Variants in TLN1 observed in about 807,000 individuals in gnomAD.
The protein encoded by TLN1 is talin 1.
TLN1 carries 56 observed loss-of-function variants against 292.3 expected under a neutral mutation model. The ratio of observed to expected loss-of-function variants is 0.19; its 90% CI spans 0.15 to 0.24. TLN1 has a LOEUF of 0.24. Among genes scored for constraint, TLN1 ranks in the 10% least tolerant of loss-of-function variants. The probability of loss-of-function intolerance (pLI) is 1.00; values close to 1 mark genes in which losing one functional copy is unlikely to be tolerated. For synonymous variants in TLN1, 1,119 were observed against 1,253.7 expected (o/e 0.89, Z 2.27); for missense variants, 2,433 against 3,248.2 (o/e 0.75, Z 6.10).
At position 35,705,948 on chromosome 9, in the gene TLN1, C is replaced by T. The variant is rs111819603; in HGVS notation, c.5511+14G>A. On this transcript the variant is annotated intron_variant, in intron 41 of 56. Coordinates refer to ENST00000314888, the MANE Select transcript of TLN1 (RefSeq NM_006289.4). ...GGGTAGCCTCAGTGTCCAAAGGCAC[C>T]CCAAGACTCTAACCTGGTTGATGGC... 5.0e-6 allele frequency: 8 copies of T among 1,614,034 alleles called. No homozygotes were observed. In the African/African-American group the frequency reaches 1.1e-4, roughly 22 times the overall value.
In TLN1 at chr9:35,707,422, C is replaced by T. The variant is rs1414635838; in HGVS notation, c.4699G>A (p.Glu1567Lys). ...QCRAATAPLL[E>K]AVDNLSAFAS... Reference sequence around the variant, plus strand: ...AAGGCACTCAGATTGTCCACAGCCTCCAGCAGAGGGGCTGTTGCTGCTCGG... The same window carrying T: ...AAGGCACTCAGATTGTCCACAGCCTTCAGCAGAGGGGCTGTTGCTGCTCGG... The change falls in exon 36 of 57, where the codon GAG (glutamate) becomes AAG (lysine). Residue 1567 changes from glutamate to lysine, a missense_variant. Transcript: ENST00000314888. This position sits in a 1 kb window ranked among gnomAD's most constrained non-coding sequence, Gnocchi z 5.6. 3 of 1,614,188 alleles carry T rather than the reference C, an allele frequency of 1.9e-6. No homozygotes were observed. Among genetic ancestry groups the T allele is most frequent in the Non-Finnish European group, 2.5e-6 (3 of 1,180,044 alleles).
In TLN1 at chr9:35,714,012, G is replaced by A. The variant is rs2131895648; in HGVS notation, c.3190C>T (p.Leu1064=). The A allele has an allele frequency of 1.9e-6, 3 of 1,614,160 alleles. No homozygotes were observed. Among genetic ancestry groups the A allele is most frequent in the Admixed American group, 1.7e-5 (1 of 60,018 alleles). The change falls in exon 25 of 57, where the codon CTA becomes TTA. Residue 1064 remains leucine, a synonymous_variant. Coordinates refer to ENST00000314888, the MANE Select transcript of TLN1 (RefSeq NM_006289.4). The surrounding 1 kb of genome is among the most constrained non-coding windows in gnomAD (Gnocchi z 4.6). The part of the protein sequence containing the change: ...LSVVQNLEKD[L]QEVKAAARDG... ...CGAGCTGCTGCCTTCACTTCCTGTA[G>A]ATCTTTCTCTAGATTCTGTACCACA... is the stretch of plus-strand genomic sequence containing the variant.
In TLN1 at chr9:35,720,463, G is replaced by A; in HGVS notation, c.1253C>T (p.Thr418Ile). 1 of 1,614,106 alleles carries A rather than the reference G, an allele frequency of 6.2e-7. No homozygotes were observed. The highest frequency in any genetic ancestry group is 8.5e-7 in the Non-Finnish European group (1 of 1,180,018). ...HFGLEGDEES[T>I]MLEDSVSPKK... ...GGGGGACACTGAGTCCTCCAGCATA[G>A]TAGACTCCTCATCTCCTTCCAGCCC... Residue 418 changes from threonine to isoleucine, a missense_variant, in exon 12 of 57, where the codon ACT (threonine) becomes ATT (isoleucine). Thr to Ile is a moderately conservative substitution (Grantham distance 89, BLOSUM62 -1). Transcript: ENST00000314888.
At chr9:35,720,290 C>G in intron 12 of TLN1, 71 bp from the exon 13 acceptor site, 2 of 1,540,970 alleles carry the variant, frequency 1.3e-6, no homozygotes, top group Non-Finnish European at 1.8e-6. Flanking sequence ...GTTACACTAC[C>G]TTTGCAGGTG....
At position 35,719,216 on chromosome 9, in the gene TLN1, G is replaced by A. The variant is rs200664793; in HGVS notation, c.1754C>T (p.Thr585Met). The change falls in exon 16 of 57, where the codon ACG becomes ATG. Residue 585 changes from threonine to methionine, a missense_variant. Physicochemically the swap from Thr to Met is moderately conservative, Grantham distance 81. This residue lies in a region of TLN1 where 617 missense variants were observed against 770.6 expected (regional missense o/e 0.80). Coordinates refer to ENST00000314888, the MANE Select transcript of TLN1 (RefSeq NM_006289.4). This position sits in a 1 kb window ranked among gnomAD's most constrained non-coding sequence, Gnocchi z 4.6. ...CAGCTTCACCCCACGGGACATCTCC[G>A]TCAGGTTGGAGGAGATTGTGGTGAC... ...CAVTTISSNL[T>M]EMSRGVKLLA... 36 of 1,614,222 alleles carry A rather than the reference G, an allele frequency of 2.2e-5. No homozygotes were observed. Among genetic ancestry groups the A allele is most frequent in the Middle Eastern group, 1.7e-4 (1 of 6,060 alleles).
chr9:35,719,781 G>A lies in TLN1; in HGVS notation c.1537C>T (p.Leu513=). The change falls in exon 14 of 57, where the codon CTG becomes TTG. Residue 513 remains leucine (L), a synonymous_variant. Transcript: ENST00000314888. This position sits in a 1 kb window ranked among gnomAD's most constrained non-coding sequence, Gnocchi z 4.6. ...GGCGGCAGAGTGTCAAAGTCATCCA[G>A]GGTGGCCTGGGCAGCCTGCACGGCC... ...MQAVQAAQAT[L]DDFDTLPPLG... 1 of 1,607,330 alleles carries A rather than the reference G, an allele frequency of 6.2e-7. No homozygotes were observed. Among genetic ancestry groups the A allele is most frequent in the African/African-American group, 1.3e-5 (1 of 74,974 alleles).
In TLN1 at chr9:35,710,818, G is replaced by A; in HGVS notation, c.4182C>T (p.Asp1394=). 1.2e-6 allele frequency: 2 copies of A among 1,614,216 alleles called. No individual in the cohort carries two copies. Among genetic ancestry groups the A allele is most frequent in the Non-Finnish European group, 1.7e-6 (2 of 1,180,026 alleles). The part of the protein sequence containing the change: ...INDMSYFGCL[D]SVMENSKVLG... ...TGACCTTTGAGTTCTCCATTACACT[G>A]TCCAGGCAACCAAAGTAGGACATGT... Residue 1394 remains aspartate, a synonymous_variant, in exon 32 of 57, where the codon GAC becomes GAT. Coordinates refer to ENST00000314888, the MANE Select transcript of TLN1 (RefSeq NM_006289.4).
In TLN1 at chr9:35,706,919, CT is replaced by C. The variant is rs59603722; in HGVS notation, c.4956-20del. 1.9e-3 allele frequency: 3,071 copies of C among 1,612,964 alleles called. 29 individuals carry two copies. The African/African-American group carries it at 0.035, about 19-fold the overall frequency. Reference sequence around the variant, plus strand: ...CTTGTCCCTGCAGACACATCATGGGCTCCAACACCAAGAACATCCCCTACTG... The same window carrying C: ...CTTGTCCCTGCAGACACATCATGGGCCCAACACCAAGAACATCCCCTACTG... On this transcript the variant is annotated intron_variant, in intron 37 of 56. Transcript: ENST00000314888. This position sits in a 1 kb window ranked among gnomAD's most constrained non-coding sequence, Gnocchi z 4.2.
At position 35,714,985 on chromosome 9, in the gene TLN1, G is replaced by A. The variant is rs188260914; in HGVS notation, c.2754+74C>T. 73 of 1,610,876 alleles carry A rather than the reference G, an allele frequency of 4.5e-5. No homozygotes were observed. In the East Asian group the frequency reaches 8.9e-4, roughly 20 times the overall value. On this transcript the variant is annotated intron_variant, in intron 21 of 56. Transcript: ENST00000314888. This position sits in a 1 kb window ranked among gnomAD's most constrained non-coding sequence, Gnocchi z 4.6. ...TCAAGGACGTATTAACTTACTCTCC[G>A]CACCTCCCTTTCAGTTCATTCCTCC...
At chr9:35,723,111 T>C (rs1025727691) in intron 7 of TLN1, 190 bp from the exon 8 acceptor site, 1 of 475,210 alleles carries the variant, frequency 2.1e-6, no homozygotes, top group African/African-American at 2.0e-5. Flanking sequence ...CTCTTCTTTT[T>C]TTTTTTTGAG....
chr9:35,708,556 C>A, intron 33 of TLN1, 72 bp from the exon 34 acceptor site: 2 of 1,399,930 alleles, frequency 1.4e-6, no homozygotes, highest in Non-Finnish European at 1.9e-6. Context: ...ATAGTAGGGA[C>A]AAAAGAGAGC....
intron 43 of TLN1, 90 bp downstream of exon 43, chr9:35,705,461 G>C: frequency 7.5e-7 from 1 of 1,336,430 alleles, no homozygotes. Flanking sequence ...TTCTATGAAA[G>C]ACCAGAGAGG....
At chr9:35,713,642 C>A (rs1019074919) in intron 25 of TLN1, among the ~76,000 whole-genome samples, 2 of 151,080 alleles carry the variant, frequency 1.3e-5, no homozygotes, top group Admixed American at 6.6e-5. Flanking sequence ...TGAGATTGCA[C>A]AACTGCACTA....
In TLN1 at chr9:35,704,253, T is replaced by TTCCAGCGAATGCTA; in HGVS notation, c.6047+65_6047+78dup. The stretch of plus-strand genomic sequence containing the variant: ...AGGTGCCTGGTCCAGGTCTTCCCCA[T>TTCCAGCGAATGCTA]TCCAGCGAATGCTATCCTGCCTCTT... On this transcript the variant is annotated intron_variant, in intron 45 of 56. Coordinates refer to ENST00000314888, the MANE Select transcript of TLN1 (RefSeq NM_006289.4). This position sits in a 1 kb window ranked among gnomAD's most constrained non-coding sequence, Gnocchi z 6.9. 6.3e-7 allele frequency: 1 copy of TTCCAGCGAATGCTA among 1,575,570 alleles called. No homozygotes were observed. Among genetic ancestry groups the TTCCAGCGAATGCTA allele is most frequent in the Non-Finnish European group, 8.6e-7 (1 of 1,158,926 alleles).
At chr9:35,708,039 A>C in intron 34 of TLN1, 147 bp from the exon 35 acceptor site, 1 of 949,492 alleles carries the variant, frequency 1.1e-6, no homozygotes, top group African/African-American at 1.6e-5. Flanking sequence ...GTCAAGATCT[A>C]GGAGACAGAG....
rs1825710222 is a variant in TLN1, at chr9:35,713,309, A to C, written c.3250-11T>G. 3 of 1,578,268 alleles carry C rather than the reference A, an allele frequency of 1.9e-6. No homozygotes were observed. Among genetic ancestry groups the C allele is most frequent in the Non-Finnish European group, 1.7e-6 (2 of 1,152,672 alleles). On this transcript the variant is annotated splice_polypyrimidine_tract_variant and intron_variant, in intron 25 of 56. Transcript: ENST00000314888. ...GGTACACTTCTCCATCTAAGGATGA[A>C]GGGGGAAGAATTGGGCTTGAGAAAG...
chr9:35,698,994 C>G lies in TLN1; in HGVS notation c.6999+38G>C, dbSNP rs189746528. 244 of 1,608,602 alleles carry G rather than the reference C, an allele frequency of 1.5e-4. 2 individuals carry two copies. The East Asian group carries it at 5.2e-3, about 34-fold the overall frequency. ...GTCAGAGATGAAGGTGGGGACACTGCCATGGTGAGGGTGGAAGAGGAAGGG... is the reference window on the plus strand; with the variant it reads ...GTCAGAGATGAAGGTGGGGACACTGGCATGGTGAGGGTGGAAGAGGAAGGG... On this transcript the variant is annotated intron_variant, in intron 52 of 56. Coordinates refer to ENST00000314888, the MANE Select transcript of TLN1 (RefSeq NM_006289.4). This position sits in a 1 kb window ranked among gnomAD's most constrained non-coding sequence, Gnocchi z 5.3.
chr9:35,712,712 G>C (rs920736170), intron 27 of TLN1, 123 bp downstream of exon 27: 3 of 721,516 alleles, frequency 4.2e-6, no homozygotes, highest in Non-Finnish European at 6.9e-6. Context: ...GGGCTGTCAA[G>C]AGCAGACCCA....
At chr9:35,722,746 G>T in intron 8 of TLN1, 115 bp downstream of exon 8, 1 of 1,036,638 alleles carries the variant, frequency 9.6e-7, no homozygotes, top group Non-Finnish European at 1.5e-6. Context: ...TAACAGCCCG[G>T]TGGGTGAAAG....
Sources: allele counts gnomAD v4.1 joint callset (sites outside exome capture counted in the v4.1 genomes callset), GRCh38; gene constraint gnomAD v4.1.1; regional missense constraint gnomAD v4.1.1; non-coding constraint Gnocchi (gnomAD v3.1); transcripts MANE v1.5; gene names NCBI Gene and HGNC (gene_info 2026-07-23, HGNC 2026-07-21).